Variants in TTBK2 observed in about 807,000 individuals in gnomAD.
TTBK2 encodes the protein tau tubulin kinase 2.
TTBK2 carries 28 observed loss-of-function variants against 110.8 expected under a neutral mutation model. The observed-to-expected ratio is 0.25, with a 90% confidence interval of 0.19 to 0.35. The LOEUF (loss-of-function observed/expected upper bound fraction) is 0.35. Among genes scored for constraint, TTBK2 ranks in the 10% least tolerant of loss-of-function variants. TTBK2 has a pLI of 1.00. For synonymous variants in TTBK2, 532 were observed against 527.3 expected (o/e 1.01, Z -0.12); for missense variants, 1,369 against 1,500.3 (o/e 0.91, Z 1.45).
chr15:42,918,550 C>G, intron 1 of TTBK2, among the ~76,000 whole-genome samples: 1 of 152,136 alleles, frequency 6.6e-6, no homozygotes, highest in Admixed American at 6.5e-5. Flanking sequence ...AATTTAAATT[C>G]CATGATCACA....
chr15:42,752,342 G>C lies in TTBK2; in HGVS notation c.2904C>G (p.Leu968=), dbSNP rs1465833124. The change falls in exon 14 of 15, where the codon CTC becomes CTG. Residue 968 remains leucine (L), a synonymous_variant. Transcript: ENST00000267890. ...SSSPVSAKEK[L]LQKKAYQPDL... ...CTGGCTGATAGGCTTTCTTTTGGAG[G>C]AGCTTTTCTTTTGCAGAAACTGGAG... 10 of 1,614,076 alleles carry C rather than the reference G, an allele frequency of 6.2e-6. No individual in the cohort carries two copies. Among genetic ancestry groups the C allele is most frequent in the Non-Finnish European group, 7.6e-6 (9 of 1,180,060 alleles).
In TTBK2 at chr15:42,777,255, T is replaced by G. The variant is rs200470495; in HGVS notation, c.1198-13A>C. 3 of 1,613,514 alleles carry G rather than the reference T, an allele frequency of 1.9e-6. No homozygotes were observed. Among genetic ancestry groups the G allele is most frequent in the Non-Finnish European group, 2.5e-6 (3 of 1,179,660 alleles). ...CTTCAGTAGCAGCCTATCCAAAATA[T>G]AAAATAAAATCATGAAAAACATTCT... On this transcript the variant is annotated splice_polypyrimidine_tract_variant and intron_variant, in intron 11 of 14. Transcript: ENST00000267890.
intron 1 of TTBK2, among the ~76,000 whole-genome samples, chr15:42,897,312 G>A (rs989194101): frequency 6.6e-6 from 1 of 152,062 alleles, no homozygotes; most frequent in Non-Finnish European, 1.5e-5. Flanking sequence ...ATGTAACAGA[G>A]ATCTATAATC....
In TTBK2 at chr15:42,788,641, C is replaced by T. The variant is rs149907594; in HGVS notation, c.981-5006G>A. Among the ~76,000 whole-genome samples the T allele has an allele frequency of 3.5e-3, 527 of 152,144 alleles. 2 individuals carry two copies. The highest frequency in any genetic ancestry group is 0.012 in the African/African-American group (502 of 41,508). Reference sequence around the variant, plus strand: ...GTGGCATTTGGCATTAAAAAGTGCCCTTCCATCTTTTCTAAGTTTTTTGTT... The same window carrying T: ...GTGGCATTTGGCATTAAAAAGTGCCTTTCCATCTTTTCTAAGTTTTTTGTT... On this transcript the variant is annotated intron_variant, in intron 10 of 14. Coordinates refer to ENST00000267890, the MANE Select transcript of TTBK2 (RefSeq NM_173500.4).
At position 42,775,499 on chromosome 15, in the gene TTBK2, T is replaced by C; in HGVS notation, c.1634A>G (p.Gln545Arg). 6.2e-7 allele frequency: 1 copy of C among 1,614,234 alleles called. No individual in the cohort carries two copies. The highest frequency in any genetic ancestry group is 8.5e-7 in the Non-Finnish European group (1 of 1,180,038). ...FIAVNLSSCKQEIDSKEWVIV... is the reference protein window; with the variant it reads ...FIAVNLSSCKREIDSKEWVIV... Reference sequence around the variant, plus strand: ...CACCCATTCTTTGGAATCAATTTCTTGCTTGCAAGAGCTCAGGTTAACAGC... The same window carrying C: ...CACCCATTCTTTGGAATCAATTTCTCGCTTGCAAGAGCTCAGGTTAACAGC... The change falls in exon 13 of 15, where the codon CAA (glutamine) becomes CGA (arginine). Residue 545 changes from glutamine to arginine, a missense_variant. By Grantham distance (43) the Gln-to-Arg change is conservative. Around this residue, in one of 4 missense-constraint regions of TTBK2, gnomAD observed 1,097 missense variants for 1,114.7 expected, o/e 0.98. Coordinates refer to ENST00000267890, the MANE Select transcript of TTBK2 (RefSeq NM_173500.4).
rs1202028636 is a variant in TTBK2, at chr15:42,788,245, A to G, written c.981-4610T>C. Among the ~76,000 whole-genome samples, 3 of 152,154 alleles carry G rather than the reference A, an allele frequency of 2.0e-5. No individual in the cohort carries two copies. The East Asian group carries it at 5.8e-4, about 29-fold the overall frequency. On this transcript the variant is annotated intron_variant, in intron 10 of 14. Transcript: ENST00000267890. ...TGTTGGTAATTTCTAGTTTTCTTGC[A>G]GTGTGATCAGATAATGTAATACTTC...
chr15:42,824,466 C>T (rs1892444375), intron 6 of TTBK2, among the ~76,000 whole-genome samples: 1 of 152,088 alleles, frequency 6.6e-6, no homozygotes, highest in Non-Finnish European at 1.5e-5. Context: ...GGTAACTGTA[C>T]TATTTTTGTA....
intron 13 of TTBK2, among the ~76,000 whole-genome samples, chr15:42,770,210 C>T (rs773965128): frequency 2.6e-5 from 4 of 151,948 alleles, no homozygotes; most frequent in Non-Finnish European, 4.4e-5. Flanking sequence ...CAAACCTGCA[C>T]GTCATGCACA....
At chr15:42,897,864 ACG>A (rs1415336712) in intron 1 of TTBK2, among the ~76,000 whole-genome samples, 1 of 147,578 alleles carries the variant, frequency 6.8e-6, no homozygotes, top group Non-Finnish European at 1.5e-5. Flanking sequence ...ACACACACAC[ACG>A]GAACTTCCAA....
At chr15:42,861,641 A>C (rs1299509474) in intron 3 of TTBK2, among the ~76,000 whole-genome samples, 1 of 152,156 alleles carries the variant, frequency 6.6e-6, no homozygotes, top group Admixed American at 6.5e-5. Context: ...TCAAGAAGTC[A>C]GAAAGATCTA....
chr15:42,891,794 G>T (rs1233673243), intron 1 of TTBK2, among the ~76,000 whole-genome samples: 1 of 152,178 alleles, frequency 6.6e-6, no homozygotes, highest in Non-Finnish European at 1.5e-5. Context: ...ATTGTGGGAA[G>T]GCCCAAACTT....
intron 9 of TTBK2, chr15:42,802,458 C>G (rs1891264991): frequency 1.5e-6 from 1 of 674,440 alleles, no homozygotes; most frequent in Admixed American, 1.9e-5. Flanking sequence ...AGTGGAGAAG[C>G]TGCTTCTTGG....
chr15:42,918,441 T>C lies in TTBK2; in HGVS notation c.-68+1997A>G, dbSNP rs79495360. 4.9e-3 allele frequency among the ~76,000 whole-genome samples: 748 copies of C among 152,290 alleles called. 12 individuals carry two copies. The South Asian group carries it at 0.05, about 10-fold the overall frequency. On this transcript the variant is annotated intron_variant, in intron 1 of 14. Coordinates refer to ENST00000267890, the MANE Select transcript of TTBK2 (RefSeq NM_173500.4). ...AGTGTCTTAGGTAGGTGGTTCTGGC[T>C]CAGAGTCTCTCATGAGTTGCAATCA... is the stretch of plus-strand genomic sequence containing the variant.
At chr15:42,754,726 G>A (rs1356167079) in intron 13 of TTBK2, among the ~76,000 whole-genome samples, 2 of 143,130 alleles carry the variant, frequency 1.4e-5, no homozygotes, top group African/African-American at 5.0e-5. Flanking sequence ...AAGATCAAGC[G>A]GGCTGGGTGC....
chr15:42,889,337 G>A (rs892090329), intron 1 of TTBK2, among the ~76,000 whole-genome samples: 3 of 152,162 alleles, frequency 2.0e-5, no homozygotes, highest in Admixed American at 6.5e-5. Flanking sequence ...CACAGGATCT[G>A]AGAAGGCCAC....
At chr15:42,772,928 C>G (rs768337101) in intron 13 of TTBK2, among the ~76,000 whole-genome samples, 4 of 152,118 alleles carry the variant, frequency 2.6e-5, no homozygotes, top group Non-Finnish European at 2.9e-5. Context: ...AAAACAACAA[C>G]AACAACAACA....
intron 3 of TTBK2, among the ~76,000 whole-genome samples, chr15:42,866,351 T>G (rs1165799807): frequency 3.3e-5 from 5 of 152,154 alleles, no homozygotes; most frequent in Non-Finnish European, 7.4e-5. Flanking sequence ...TAAGAGGCCA[T>G]ATACTATGTG....
intron 1 of TTBK2, among the ~76,000 whole-genome samples, chr15:42,915,298 A>G (rs927180531): frequency 6.6e-6 from 1 of 152,138 alleles, no homozygotes; most frequent in Admixed American, 6.5e-5. Flanking sequence ...GCTGTTTGTC[A>G]CTTAGTAGCC....
intron 11 of TTBK2, among the ~76,000 whole-genome samples, chr15:42,781,223 AAT>A (rs1335419204): frequency 6.6e-6 from 1 of 152,188 alleles, no homozygotes. Flanking sequence ...ACAGAATAGA[AAT>A]AGTCATTATA....
Sources: allele counts gnomAD v4.1 joint callset (sites outside exome capture counted in the v4.1 genomes callset), GRCh38; gene constraint gnomAD v4.1.1; regional missense constraint gnomAD v4.1.1; transcripts MANE v1.5; gene names NCBI Gene and HGNC (gene_info 2026-07-23, HGNC 2026-07-21).